HACD2: variants seen among roughly 807,000 people sequenced by gnomAD.
The protein encoded by HACD2 is very-long-chain (3R)-3-hydroxyacyl-CoA dehydratase 2.
A neutral mutation model predicts 31.0 loss-of-function variants in HACD2; 15 were observed. The observed-to-expected ratio is 0.48, with a 90% CI of 0.32 to 0.75. The LOEUF is 0.75. Among genes scored for constraint, HACD2 ranks in the 30% least tolerant of loss-of-function variants. The pLI is 0.03. For missense variants in HACD2, 283 were observed against 313.0 expected, an observed-to-expected ratio of 0.90 and a Z score of 0.72; for synonymous variants, 115 against 122.2, an observed-to-expected ratio of 0.94 and a Z score of 0.39.
chr3:123,566,875 A>C (rs1350889371), intron 3 of HACD2, among the ~76,000 whole-genome samples: 1 of 152,156 alleles, frequency 6.6e-6, no homozygotes, highest in Admixed American at 6.5e-5. Context: ...ATGGAGCCAG[A>C]TATCACAGTG....
intron 4 of HACD2, among the ~76,000 whole-genome samples, chr3:123,525,211 A>G (rs978055122): frequency 3.9e-5 from 6 of 152,166 alleles, no homozygotes; most frequent in Non-Finnish European, 8.8e-5. Flanking sequence ...GTTCATTTAT[A>G]TGGTCTCTTG....
intron 3 of HACD2, among the ~76,000 whole-genome samples, chr3:123,567,346 A>G (rs753450403): frequency 2.8e-4 from 42 of 152,342 alleles, no homozygotes; most frequent in Non-Finnish European, 4.7e-4. Context: ...ACAAACATGT[A>G]ATATTCACCT....
chr3:123,563,476 A>G (rs1226965055), intron 3 of HACD2, among the ~76,000 whole-genome samples: 4 of 152,218 alleles, frequency 2.6e-5, no homozygotes. Flanking sequence ...AAGTAGGCAA[A>G]TGACATGCTC....
At position 123,502,423 on chromosome 3, in the gene HACD2, G is replaced by A. The variant is rs932213957; in HGVS notation, c.503+137C>T. The stretch of plus-strand genomic sequence containing the variant: ...GTTAAGTACAGACTCCTATTCTGAT[G>A]AAATCTACAGACAAAATTTCTACCC... On this transcript the variant is annotated intron_variant, in intron 5 of 6. Transcript: ENST00000383657. 3.1e-5 allele frequency: 25 copies of A among 818,950 alleles called. 1 individual carries two copies. Among genetic ancestry groups the A allele is most frequent in the Non-Finnish European group, 4.1e-5 (22 of 532,032 alleles). The allele number at this position is 818,950 out of a possible 1,614,324, so 50.7% of individuals were successfully genotyped here. A position where few individuals can be genotyped will look rare whatever the true frequency, so the allele number is the denominator to read the frequency against.
rs188916048 is a variant in HACD2, at chr3:123,548,602, C to T, written c.292+19160G>A. Among the ~76,000 whole-genome samples, 86 of 152,226 alleles carry T rather than the reference C, an allele frequency of 5.6e-4. 1 individual carries two copies. The highest frequency in any genetic ancestry group is 2.2e-3 in the Admixed American group (33 of 15,286). ...TACTATCCAAAAATAGATTACAACA[C>T]GCAGAACCTTTTATCAGAGCCAGTT... On this transcript the variant is annotated intron_variant, in intron 3 of 6. Coordinates refer to ENST00000383657, the MANE Select transcript of HACD2 (RefSeq NM_198402.5).
intron 3 of HACD2, among the ~76,000 whole-genome samples, chr3:123,557,439 A>T (rs1040833779): frequency 1.3e-5 from 2 of 152,186 alleles, no homozygotes; most frequent in African/African-American, 4.8e-5. Flanking sequence ...TGAGGCCAAG[A>T]CCAGCTTGAG....
chr3:123,541,003 G>T (rs2056483787), intron 3 of HACD2, among the ~76,000 whole-genome samples: 1 of 152,094 alleles, frequency 6.6e-6, no homozygotes, highest in South Asian at 2.1e-4. Context: ...GGGCACGATG[G>T]CTCATGTCTA....
intron 5 of HACD2, among the ~76,000 whole-genome samples, chr3:123,501,301 G>A (rs563736980): frequency 1.3e-5 from 2 of 152,174 alleles, no homozygotes; most frequent in East Asian, 1.9e-4. Flanking sequence ...TACAATTATC[G>A]TCACATGGGA....
chr3:123,539,198 T>C (rs933122512), intron 3 of HACD2, among the ~76,000 whole-genome samples: 2 of 152,178 alleles, frequency 1.3e-5, no homozygotes, highest in Non-Finnish European at 2.9e-5. Context: ...CAAAACCTTC[T>C]GGGGCGAAAT....
chr3:123,548,478 A>C (rs759732188), intron 3 of HACD2, among the ~76,000 whole-genome samples: 2 of 152,144 alleles, frequency 1.3e-5, no homozygotes, highest in African/African-American at 2.4e-5. Flanking sequence ...AGCGCTCCCG[A>C]ATTCCTGACC....
chr3:123,525,831 T>C (rs1298104282), intron 4 of HACD2, among the ~76,000 whole-genome samples: 1 of 152,234 alleles, frequency 6.6e-6, no homozygotes, highest in Non-Finnish European at 1.5e-5. Flanking sequence ...GTCAATTTCC[T>C]TATGCATTAA....
chr3:123,513,822 T>C (rs1361080548), intron 4 of HACD2, among the ~76,000 whole-genome samples: 1 of 152,132 alleles, frequency 6.6e-6, no homozygotes, highest in African/African-American at 2.4e-5. Flanking sequence ...CATACTGGAT[T>C]AGACAGTAGT....
intron 3 of HACD2, among the ~76,000 whole-genome samples, chr3:123,549,684 G>T (rs1364448941): frequency 1.3e-5 from 2 of 152,110 alleles, no homozygotes; most frequent in Non-Finnish European, 1.5e-5. Flanking sequence ...GGAAGTTGAG[G>T]CTGCAGTGAG....
intron 4 of HACD2, among the ~76,000 whole-genome samples, chr3:123,524,627 G>C (rs2056256311): frequency 6.6e-6 from 1 of 152,172 alleles, no homozygotes; most frequent in African/African-American, 2.4e-5. Flanking sequence ...AGTGAGAGAA[G>C]TCAGCACAAC....
chr3:123,514,269 T>C (rs1229771531), intron 4 of HACD2, among the ~76,000 whole-genome samples: 1 of 151,918 alleles, frequency 6.6e-6, no homozygotes, highest in Non-Finnish European at 1.5e-5. Flanking sequence ...GAGTGAGACT[T>C]GTCTCAAAAA....
intron 3 of HACD2, among the ~76,000 whole-genome samples, chr3:123,537,431 G>C (rs1490453327): frequency 1.3e-5 from 2 of 151,984 alleles, no homozygotes; most frequent in Non-Finnish European, 2.9e-5. Context: ...AGCCGGGCAT[G>C]GTAGCATGTG....
intron 2 of HACD2, among the ~76,000 whole-genome samples, chr3:123,580,397 G>A (rs1261492924): frequency 2.6e-5 from 4 of 151,732 alleles, no homozygotes; most frequent in Middle Eastern, 3.5e-3. Flanking sequence ...GATGGCTGGG[G>A]CCTGGGAAGT....
At chr3:123,581,841 A>T (rs2056969598) in intron 2 of HACD2, among the ~76,000 whole-genome samples, 1 of 152,182 alleles carries the variant, frequency 6.6e-6, no homozygotes, top group Non-Finnish European at 1.5e-5. Flanking sequence ...TATGTCTTCT[A>T]TCTATCACTT....
At chr3:123,550,213 T>C (rs1417803581) in intron 3 of HACD2, among the ~76,000 whole-genome samples, 1 of 152,152 alleles carries the variant, frequency 6.6e-6, no homozygotes, top group African/African-American at 2.4e-5. Flanking sequence ...GCTTTAGCAA[T>C]GGCCAGCCTC....
Sources: allele counts gnomAD v4.1 joint callset (sites outside exome capture counted in the v4.1 genomes callset), GRCh38; gene constraint gnomAD v4.1.1; transcripts MANE v1.5; gene names NCBI Gene and HGNC (gene_info 2026-07-23, HGNC 2026-07-21).